The following TSNARE1 variants were observed in gnomAD, a reference collection of about 807,000 sequenced individuals.
The protein encoded by TSNARE1 is t-SNARE domain-containing protein 1.
Under a neutral mutation model 62.0 loss-of-function variants are expected in TSNARE1, and 49 were observed. The observed-to-expected ratio is 0.79, with a 90% CI of 0.63 to 1.00. The LOEUF is 1.00. Ranked by LOEUF, TSNARE1 falls within the 50% of genes least tolerant of loss-of-function variation. The pLI, the probability that TSNARE1 is intolerant of heterozygous loss-of-function variation, is 0.00. For synonymous variants in TSNARE1, 328 were observed against 294.4 expected (o/e 1.11, Z -1.17); for missense variants, 755 against 700.1 (o/e 1.08, Z -0.88).
At chr8:142,399,968 G>A (rs1366068088) in intron 1 of TSNARE1, among the ~76,000 whole-genome samples, 4 of 152,160 alleles carry the variant, frequency 2.6e-5, no homozygotes, top group African/African-American at 4.8e-5. Flanking sequence ...GCTGAGGCCA[G>A]AGGATGGCTT....
chr8:142,353,370 G>A (rs540985221), intron 2 of TSNARE1, among the ~76,000 whole-genome samples: 1 of 152,304 alleles, frequency 6.6e-6, no homozygotes, highest in Non-Finnish European at 1.5e-5. Context: ...GGTCTCGGCG[G>A]GAAGGAGGAA....
intron 13 of TSNARE1, among the ~76,000 whole-genome samples, chr8:142,214,413 G>A (rs533091147): frequency 2.6e-5 from 4 of 152,278 alleles, no homozygotes; most frequent in South Asian, 4.1e-4. Flanking sequence ...GATGGTGCCC[G>A]TCTGTGCCCC....
At chr8:142,383,606 G>A (rs1473092922) in intron 1 of TSNARE1, among the ~76,000 whole-genome samples, 2 of 152,164 alleles carry the variant, frequency 1.3e-5, no homozygotes, top group African/African-American at 4.8e-5. Context: ...TGCCAGAGCT[G>A]GAGGCCCTAC....
At chr8:142,227,020 C>A (rs372054894) in intron 13 of TSNARE1, among the ~76,000 whole-genome samples, 24,508 of 93,860 alleles carry the variant, frequency 0.26, 3,261 homozygotes, top group Non-Finnish European at 0.31. Flanking sequence ...GACAGCCAAG[C>A]CCCCCACTGC....
At chr8:142,306,830 G>A (rs1024417541) in intron 9 of TSNARE1, among the ~76,000 whole-genome samples, 1 of 152,146 alleles carries the variant, frequency 6.6e-6, no homozygotes, top group East Asian at 1.9e-4. Flanking sequence ...AAATTCTACC[G>A]AAAGGCAATA....
intron 13 of TSNARE1, among the ~76,000 whole-genome samples, chr8:142,222,616 C>T (rs796693147): frequency 4.3e-5 from 2 of 46,264 alleles, no homozygotes; most frequent in African/African-American, 6.6e-5. Flanking sequence ...ACTCATTCAT[C>T]CACTCACTCA....
At chr8:142,253,594 C>T (rs774433173) in intron 12 of TSNARE1, among the ~76,000 whole-genome samples, 4 of 151,478 alleles carry the variant, frequency 2.6e-5, no homozygotes, top group Non-Finnish European at 4.4e-5. Context: ...TGCAGTAGGG[C>T]GGTCACCCCC....
intron 1 of TSNARE1, among the ~76,000 whole-genome samples, chr8:142,355,864 C>G (rs773697811): frequency 6.6e-6 from 1 of 152,154 alleles, no homozygotes; most frequent in Non-Finnish European, 1.5e-5. Context: ...AGCAAGACAC[C>G]CGCCTGTGCC....
At chr8:142,241,484 T>C (rs1429289568) in intron 12 of TSNARE1, among the ~76,000 whole-genome samples, 2 of 152,266 alleles carry the variant, frequency 1.3e-5, no homozygotes, top group East Asian at 3.9e-4. Context: ...TTCCAACATT[T>C]TTTCACAGAA....
intron 4 of TSNARE1, among the ~76,000 whole-genome samples, chr8:142,334,582 G>A (rs906560818): frequency 5.9e-5 from 9 of 152,042 alleles, no homozygotes; most frequent in African/African-American, 1.5e-4. Context: ...CTATAAACTC[G>A]GAGATTCAAA....
At position 142,300,519 on chromosome 8, in the gene TSNARE1, G is replaced by C; in HGVS notation, c.1257C>G (p.Ile419Met). Residue 419 changes from isoleucine to methionine, a missense_variant, in exon 10 of 14, where the codon ATC (isoleucine) becomes ATG (methionine). Transcript: ENST00000524325. ...GCAGGATGGCCTCCTCCCGCAGCCG[G>C]ATGGCCTCCAGGTCCTCTTCAGTGA... ...PDITEEDLEA[I>M]RLREEAILQM... The C allele has an allele frequency of 6.2e-7, 1 of 1,609,406 alleles. No individual in the cohort carries two copies. Among genetic ancestry groups the C allele is most frequent in the Non-Finnish European group, 8.5e-7 (1 of 1,179,662 alleles).
rs537818638 is a variant in TSNARE1 at position 142,294,858 on chromosome 8, C to G, written c.1290+5628G>C. On this transcript the variant is annotated intron_variant, in intron 10 of 13. Transcript: ENST00000524325. ...CTGCTGCTCAGACACAATTGAAGCT[C>G]ACACTCCCGGTGATGAGATGGGAAT... Among the ~76,000 whole-genome samples, 8 of 152,252 alleles carry G rather than the reference C, an allele frequency of 5.3e-5. No individual in the cohort carries two copies. The East Asian group carries it at 1.5e-3, about 29-fold the overall frequency.
At chr8:142,268,745 C>A (rs1330591516) in intron 12 of TSNARE1, among the ~76,000 whole-genome samples, 1 of 152,210 alleles carries the variant, frequency 6.6e-6, no homozygotes, top group Non-Finnish European at 1.5e-5. Context: ...TCCATTCCTT[C>A]CCTACACCCT....
At chr8:142,339,922 C>T (rs1417795757) in intron 4 of TSNARE1, among the ~76,000 whole-genome samples, 1 of 152,258 alleles carries the variant, frequency 6.6e-6, no homozygotes, top group Non-Finnish European at 1.5e-5. Context: ...AACAGTCCTG[C>T]AGCATGCAGG....
At chr8:142,278,765 G>C in intron 11 of TSNARE1, 3 of 985,436 alleles carry the variant, frequency 3.0e-6, no homozygotes, top group Non-Finnish European at 3.6e-6. Flanking sequence ...GACAGGCTGA[G>C]AGTCACCGGA....
chr8:142,365,633 C>CACACACAGAG (rs60883386), intron 1 of TSNARE1, among the ~76,000 whole-genome samples: 8 of 138,652 alleles, frequency 5.8e-5, no homozygotes, highest in African/African-American at 1.7e-4. Context: ...CACACACACA[C>CACACACAGAG]AGAGAGAGAG....
chr8:142,252,955 C>T (rs1272332551), intron 12 of TSNARE1, among the ~76,000 whole-genome samples: 2 of 152,228 alleles, frequency 1.3e-5, no homozygotes, highest in African/African-American at 4.8e-5. Flanking sequence ...GCGTCCACTC[C>T]GGCCCAGGTG....
chr8:142,376,878 T>C (rs1023946879), intron 1 of TSNARE1, among the ~76,000 whole-genome samples: 2 of 152,130 alleles, frequency 1.3e-5, no homozygotes, highest in African/African-American at 4.8e-5. Context: ...GGCCAACAGC[T>C]TCAGGCTGAT....
chr8:142,342,217 C>G (rs1192552833), intron 4 of TSNARE1, among the ~76,000 whole-genome samples: 1 of 152,268 alleles, frequency 6.6e-6, no homozygotes, highest in Non-Finnish European at 1.5e-5. Flanking sequence ...GTTCCGGCAG[C>G]AAGGCCAAGT....
Sources: gnomAD v4.1 joint callset for allele counts (sites outside exome capture counted in the v4.1 genomes callset) on GRCh38, gnomAD v4.1.1 for gene constraint, MANE v1.5 for transcripts, NCBI Gene and HGNC (gene_info 2026-07-23, HGNC 2026-07-21) for gene names.